Variants in WNK2 observed in about 807,000 individuals in gnomAD.
WNK2 encodes the protein WNK lysine deficient protein kinase 2, also known as serine/threonine-protein kinase WNK2.
In WNK2, 67 loss-of-function variants were observed where a neutral mutation model predicts 192.1. The ratio of observed to expected loss-of-function variants is 0.35; its 90% CI spans 0.29 to 0.43. The LOEUF (loss-of-function observed/expected upper bound fraction) is 0.43, where lower values mean the gene tolerates loss of function less well. WNK2 is among the 20% of genes least tolerant of loss of function. The pLI is 1.00. For synonymous variants in WNK2, 1,439 were observed against 1,393.9 expected (o/e 1.03, Z -0.72); for missense variants, 2,698 against 3,089.7 (o/e 0.87, Z 3.01).
Position 93,194,204 on chromosome 9 carries a change from A to G in WNK2, c.681+8594A>G, listed in dbSNP as rs574645972. 7.3e-4 allele frequency among the ~76,000 whole-genome samples: 111 copies of G among 152,360 alleles called. No individual in the cohort carries two copies. In the South Asian group the frequency reaches 0.011, roughly 15 times the overall value. On this transcript the variant is annotated intron_variant, in intron 2 of 29. Transcript: ENST00000427277. ...AAGGCACAGTGCTTGAAAGAAAATA[A>G]TGATAAGCTGGACTTGATTAAAATT...
chr9:93,187,233 C>T (rs576439832), intron 2 of WNK2, among the ~76,000 whole-genome samples: 74 of 152,284 alleles, frequency 4.9e-4, no homozygotes, highest in Admixed American at 1.3e-3. Flanking sequence ...TTGTTAGTTC[C>T]CATTCCCTTT....
Position 93,263,622 on chromosome 9 carries a change from C to A in WNK2, c.3467C>A (p.Ala1156Asp), listed in dbSNP as rs763421272. Reference protein sequence around the residue: ...GKELSDSCEGAFGGGRLEGRA... With the variant: ...GKELSDSCEGDFGGGRLEGRA... ...GAGCTGAGTGACAGCTGTGAAGGCG[C>A]CTTTGGAGGGGGCAGGCTGGAGGGC... The change falls in exon 15 of 30, where the codon GCC becomes GAC. Residue 1156 changes from alanine (A) to aspartate (D), a missense_variant. Coordinates refer to ENST00000427277, the MANE Select transcript of WNK2 (RefSeq NM_006648.4). 2.5e-6 allele frequency: 4 copies of A among 1,609,520 alleles called. No individual in the cohort carries two copies. Among genetic ancestry groups the A allele is most frequent in the Admixed American group, 1.7e-5 (1 of 59,584 alleles).
At chr9:93,200,118 G>A (rs574820914) in intron 2 of WNK2, among the ~76,000 whole-genome samples, 1 of 152,084 alleles carries the variant, frequency 6.6e-6, no homozygotes, top group Non-Finnish European at 1.5e-5. Flanking sequence ...TGCACACCAT[G>A]GGGGGTTGCA....
chr9:93,280,898 A>G (rs1847627257), intron 19 of WNK2, among the ~76,000 whole-genome samples: 1 of 152,216 alleles, frequency 6.6e-6, no homozygotes. Context: ...CTCTGCAGTA[A>G]AAAGGAATCA....
intron 2 of WNK2, among the ~76,000 whole-genome samples, chr9:93,222,624 C>A (rs1837113774): frequency 6.6e-6 from 1 of 152,192 alleles, no homozygotes; most frequent in Non-Finnish European, 1.5e-5. Flanking sequence ...GTCTGTGACT[C>A]CTCACACTCC....
At chr9:93,315,686 AAGTT>A (rs1272695397) in intron 28 of WNK2, 1 of 152,172 alleles carries the variant, frequency 6.6e-6, no homozygotes, top group Non-Finnish European at 1.5e-5. Flanking sequence ...ATGCTGCAAT[AAGTT>A]AGTACAAGTT....
At chr9:93,298,117 G>A (rs906971900) in intron 24 of WNK2, 50 bp downstream of exon 24, 12 of 1,536,162 alleles carry the variant, frequency 7.8e-6, no homozygotes, top group East Asian at 4.9e-5. Context: ...GGGGACCCCC[G>A]AGTGAGCCTG....
intron 2 of WNK2, among the ~76,000 whole-genome samples, chr9:93,205,543 C>G (rs1587860120): frequency 6.6e-6 from 1 of 152,178 alleles, no homozygotes; most frequent in East Asian, 1.9e-4. Flanking sequence ...TGCCTGGCCC[C>G]CACTCTGTCC....
chr9:93,233,224 G>T (rs914708939), intron 4 of WNK2, among the ~76,000 whole-genome samples: 4 of 150,130 alleles, frequency 2.7e-5, no homozygotes, highest in African/African-American at 9.8e-5. Flanking sequence ...AAAATTGCTA[G>T]TGCAGCAAAT....
chr9:93,289,447 G>A lies in WNK2; in HGVS notation c.4693G>A (p.Val1565Met), dbSNP rs1214986248. The change falls in exon 20 of 30, where the codon GTG (valine) becomes ATG (methionine). Residue 1565 changes from valine to methionine, a missense_variant. By Grantham distance (21) the Val-to-Met change is conservative. Coordinates refer to ENST00000427277, the MANE Select transcript of WNK2 (RefSeq NM_006648.4). The stretch of plus-strand genomic sequence containing the variant: ...GCGGACTCTGCTCTACCAGGAGCAC[G>A]TGCCCACCTCCTCAGCCTCAGCTGG... ...KLRTLLYQEH[V>M]PTSSASAGTP... The A allele has an allele frequency of 1.4e-5, 22 of 1,612,682 alleles. No homozygotes were observed. Among genetic ancestry groups the A allele is most frequent in the Admixed American group, 1.7e-5 (1 of 59,988 alleles).
At position 93,257,708 on chromosome 9, in the gene WNK2, G is replaced by T. The variant is rs377457646; in HGVS notation, c.2382+569G>T. ...AGGGCCGTGTGGCATGTGGCTCCTC[G>T]GAGTTCCAAAGCCAGCCTGTGGCAT... On this transcript the variant is annotated intron_variant, in intron 11 of 29. Coordinates refer to ENST00000427277, the MANE Select transcript of WNK2 (RefSeq NM_006648.4). The surrounding 1 kb of genome is among the most constrained non-coding windows in gnomAD (Gnocchi z 4.7). 6.6e-6 allele frequency among the ~76,000 whole-genome samples: 1 copy of T among 152,190 alleles called. No individual in the cohort carries two copies. The highest frequency in any genetic ancestry group is 1.5e-5 in the Non-Finnish European group (1 of 68,040).
rs746715868 is a variant in WNK2, at chr9:93,318,734, G to A, written c.6628+1103G>A. 7.5e-4 allele frequency: 1,072 copies of A among 1,435,826 alleles called. 1 individual carries two copies. Among genetic ancestry groups the A allele is most frequent in the Admixed American group, 1.1e-3 (40 of 36,838 alleles). 88.9% of individuals were successfully genotyped at this position (1,435,826 alleles called of 1,614,324 possible). ...CCCCTGGCATGCAGACCGCTCTCCCGTCCAGCCCTAAGCCTGCTCTGCGGA... is the reference window on the plus strand; with the variant it reads ...CCCCTGGCATGCAGACCGCTCTCCCATCCAGCCCTAAGCCTGCTCTGCGGA... On this transcript the variant is annotated intron_variant, in intron 29 of 29. Coordinates refer to ENST00000427277, the MANE Select transcript of WNK2 (RefSeq NM_006648.4).
chr9:93,226,455 T>C (rs1837835720), intron 2 of WNK2, among the ~76,000 whole-genome samples: 1 of 152,228 alleles, frequency 6.6e-6, no homozygotes, highest in Admixed American at 6.5e-5. Context: ...TTTTTTCCTT[T>C]TTTTTTGTTT....
At position 93,268,050 on chromosome 9, in the gene WNK2, G is replaced by C. The variant is rs1286392023; in HGVS notation, c.3898G>C (p.Val1300Leu). Residue 1300 changes from valine to leucine, a missense_variant, in exon 18 of 30, where the codon GTG becomes CTG. Physicochemically the swap from Val to Leu is conservative, Grantham distance 32. Transcript: ENST00000427277. ...CCGACAATCCCAAGCCAACGCCCCC[G>C]TGTATCAGCAGAACGGTGAGTCTGC... ...ESRQSQANAP[V>L]YQQNVLHTGK... 1 of 1,611,586 alleles carries C rather than the reference G, an allele frequency of 6.2e-7. No homozygotes were observed. Among genetic ancestry groups the C allele is most frequent in the African/African-American group, 1.3e-5 (1 of 74,820 alleles).
intron 2 of WNK2, among the ~76,000 whole-genome samples, chr9:93,225,970 T>G (rs138892197): frequency 2.0e-5 from 3 of 152,340 alleles, no homozygotes; most frequent in African/African-American, 4.8e-5. Flanking sequence ...TGTGGAAACA[T>G]TTCTTCCAGT....
intron 2 of WNK2, among the ~76,000 whole-genome samples, chr9:93,205,840 C>G (rs1243669469): frequency 1.3e-5 from 2 of 152,106 alleles, no homozygotes; most frequent in African/African-American, 4.8e-5. Flanking sequence ...GACACTGGCT[C>G]TGTGTGACGC....
chr9:93,288,454 A>T (rs1848769818), intron 19 of WNK2, among the ~76,000 whole-genome samples: 1 of 152,244 alleles, frequency 6.6e-6, no homozygotes, highest in Non-Finnish European at 1.5e-5. Context: ...GGACAGACAG[A>T]TGACAGACAG....
intron 21 of WNK2, among the ~76,000 whole-genome samples, chr9:93,290,596 A>G (rs1334527652): frequency 6.6e-6 from 1 of 152,218 alleles, no homozygotes; most frequent in Admixed American, 6.5e-5. Context: ...TGGACTCTCC[A>G]GTGGCTGAGG....
At chr9:93,252,720 A>G (rs1021680891) in intron 8 of WNK2, among the ~76,000 whole-genome samples, 163 bp from the exon 9 acceptor site, 2 of 152,224 alleles carry the variant, frequency 1.3e-5, no homozygotes, top group Non-Finnish European at 2.9e-5. Flanking sequence ...CATCCCCAGT[A>G]TGGTTCTGTA....
Sources: allele counts gnomAD v4.1 joint callset (sites outside exome capture counted in the v4.1 genomes callset), GRCh38; gene constraint gnomAD v4.1.1; non-coding constraint Gnocchi (gnomAD v3.1); transcripts MANE v1.5; gene names NCBI Gene and HGNC (gene_info 2026-07-23, HGNC 2026-07-21).